Variants in RNF220 observed in about 807,000 individuals in gnomAD.
RNF220 encodes E3 ubiquitin-protein ligase RNF220.
RNF220 carries 7 observed loss-of-function variants against 67.1 expected under a neutral mutation model. The ratio of observed to expected loss-of-function variants is 0.10; its 90% CI spans 0.06 to 0.20. The LOEUF is 0.20. Ranked by LOEUF, RNF220 falls within the 10% of genes least tolerant of loss-of-function variation. RNF220 has a pLI of 1.00. For synonymous variants in RNF220, 270 were observed against 283.2 expected, an observed-to-expected ratio of 0.95 and a Z score of 0.47; for missense variants, 565 against 740.3, an observed-to-expected ratio of 0.76 and a Z score of 2.75.
At chr1:44,562,090 G>A (rs1320120890) in intron 2 of RNF220, among the ~76,000 whole-genome samples, 2 of 152,202 alleles carry the variant, frequency 1.3e-5, no homozygotes, top group African/African-American at 4.8e-5. Context: ...CTCAGCAGCA[G>A]TGCAGAAGAG....
chr1:44,630,420 C>T (rs139839911), intron 5 of RNF220, among the ~76,000 whole-genome samples: 1 of 152,360 alleles, frequency 6.6e-6, no homozygotes, highest in African/African-American at 2.4e-5. Flanking sequence ...GAACTTGAGT[C>T]TGTCTGGCCC....
intron 8 of RNF220, among the ~76,000 whole-genome samples, chr1:44,639,812 TCA>T (rs1354039730): frequency 6.6e-6 from 1 of 152,230 alleles, no homozygotes; most frequent in African/African-American, 2.4e-5. Context: ...AGACAGAGTC[TCA>T]CTTTTTCACC....
In RNF220 at chr1:44,520,085, T is replaced by TTGTGTGTGTGTG. The variant is rs1167831790; in HGVS notation, c.626-94047_626-94036dup. Among the ~76,000 whole-genome samples the TTGTGTGTGTGTG allele has an allele frequency of 8.2e-3, 870 of 106,322 alleles. 14 individuals carry two copies. The highest frequency in any genetic ancestry group is 0.013 in the African/African-American group (361 of 28,606). The allele number at this position is 106,322 out of a possible 152,430, so 69.8% of individuals were successfully genotyped here. A position where few individuals can be genotyped will look rare whatever the true frequency, so the allele number is the denominator to read the frequency against. The stretch of plus-strand genomic sequence containing the variant: ...GGTAAGAAGATGCTGAAGTCCAGCA[T>TTGTGTGTGTGTG]TGTGTGTGTGTGTGTGTGTGTGTGT... On this transcript the variant is annotated intron_variant, in intron 2 of 14. Coordinates refer to ENST00000361799, the MANE Select transcript of RNF220 (RefSeq NM_018150.4).
chr1:44,501,891 A>G (rs569643061), intron 2 of RNF220, among the ~76,000 whole-genome samples: 21 of 152,162 alleles, frequency 1.4e-4, no homozygotes, highest in Non-Finnish European at 2.1e-4. Context: ...AAAAATGTGG[A>G]GCTATTATAC....
At chr1:44,501,044 C>T (rs1234356206) in intron 2 of RNF220, among the ~76,000 whole-genome samples, 1 of 99,384 alleles carries the variant, frequency 1.0e-5, no homozygotes, top group Non-Finnish European at 2.0e-5. Context: ...CTGCAGAAGG[C>T]TGTGGGGGTG....
At chr1:44,510,098 G>T (rs1405677728) in intron 2 of RNF220, among the ~76,000 whole-genome samples, 2 of 151,620 alleles carry the variant, frequency 1.3e-5, no homozygotes, top group Non-Finnish European at 2.9e-5. Context: ...AATTAGCCAG[G>T]CATAGTGGTG....
intron 2 of RNF220, among the ~76,000 whole-genome samples, chr1:44,552,703 T>C (rs919462265): frequency 8.0e-5 from 12 of 150,384 alleles, no homozygotes; most frequent in Admixed American, 2.0e-4. Flanking sequence ...CCCGAGTAGC[T>C]GGGACTACGG....
rs534093106 is a variant in RNF220, at chr1:44,547,048, G to C, written c.626-67117G>C. Among the ~76,000 whole-genome samples the C allele has an allele frequency of 2.6e-5, 4 of 152,326 alleles. No homozygotes were observed. The East Asian group carries it at 7.7e-4, about 29-fold the overall frequency. ...GTGTTCATGTTGTCACACATTGAGA[G>C]GGATGCTTCCTCCAGGGTGCCTGGC... On this transcript the variant is annotated intron_variant, in intron 2 of 14. Coordinates refer to ENST00000361799, the MANE Select transcript of RNF220 (RefSeq NM_018150.4).
chr1:44,405,962 C>T (rs1647287580), intron 1 of RNF220, among the ~76,000 whole-genome samples: 2 of 152,206 alleles, frequency 1.3e-5, no homozygotes, highest in African/African-American at 4.8e-5. Flanking sequence ...GCCTTCTCGC[C>T]GGGCTCTCTG....
At chr1:44,648,080 TCTTGGCCTCTGTTTCTGCTGTTCC>T (rs1644698146) in intron 12 of RNF220, among the ~76,000 whole-genome samples, 1 of 152,242 alleles carries the variant, frequency 6.6e-6, no homozygotes, top group South Asian at 2.1e-4. Flanking sequence ...CTCTTGGGCC[TCTTGGCCTCTGTTTCTGCTGTTCC>T]CTTGGCCTGG....
At chr1:44,472,679 TC>T (rs1654919130) in intron 2 of RNF220, among the ~76,000 whole-genome samples, 1 of 152,246 alleles carries the variant, frequency 6.6e-6, no homozygotes. Flanking sequence ...GCCTCAGCCT[TC>T]CGGTCCAACA....
chr1:44,631,981 C>T, intron 5 of RNF220: 2 of 985,850 alleles, frequency 2.0e-6, no homozygotes, highest in Non-Finnish European at 2.4e-6. Context: ...GCCAACATGG[C>T]CGCCGCCGCC....
At chr1:44,462,568 T>C (rs1444412996) in intron 2 of RNF220, among the ~76,000 whole-genome samples, 1 of 152,174 alleles carries the variant, frequency 6.6e-6, no homozygotes, top group Non-Finnish European at 1.5e-5. Flanking sequence ...ATAACAGTAC[T>C]AGTAAGGGGT....
intron 2 of RNF220, among the ~76,000 whole-genome samples, chr1:44,424,252 A>G (rs1649521968): frequency 6.6e-6 from 1 of 152,222 alleles, no homozygotes. Context: ...TGGCTTTCCC[A>G]GAATGTGATC....
At chr1:44,582,257 A>C (rs1665340397) in intron 2 of RNF220, among the ~76,000 whole-genome samples, 1 of 152,234 alleles carries the variant, frequency 6.6e-6, no homozygotes, top group African/African-American at 2.4e-5. Context: ...AGAAACTGGC[A>C]GCCCACAAAA....
Position 44,405,468 on chromosome 1 carries a change from TC to T in RNF220, c.-178del. The T allele has an allele frequency of 5.5e-6, 3 of 540,986 alleles. No individual in the cohort carries two copies. The highest frequency in any genetic ancestry group is 9.8e-6 in the Non-Finnish European group (3 of 305,794). 33.5% of individuals were successfully genotyped at this position (540,986 alleles called of 1,614,324 possible). On this transcript the variant is annotated 5_prime_UTR_variant, in exon 1 of 15. An upstream open reading frame in the 5' UTR gains an earlier in-frame stop. Coordinates refer to ENST00000361799, the MANE Select transcript of RNF220 (RefSeq NM_018150.4). ...CCGGGACTTTTCATGCACCACACTC[TC>T]CGCCTGCTTCCCTCCGTGTCCTGAA...
intron 2 of RNF220, among the ~76,000 whole-genome samples, chr1:44,549,472 C>T (rs537147351): frequency 6.6e-6 from 1 of 152,314 alleles, no homozygotes; most frequent in Admixed American, 6.5e-5. Flanking sequence ...TTGCTCGCAA[C>T]CCATCATTCC....
At chr1:44,510,553 C>CT (rs1658903443) in intron 2 of RNF220, among the ~76,000 whole-genome samples, 1 of 152,204 alleles carries the variant, frequency 6.6e-6, no homozygotes, top group African/African-American at 2.4e-5. Context: ...ATCACCCTCC[C>CT]TGACTCTTAC....
At chr1:44,510,006 G>A (rs1186851286) in intron 2 of RNF220, among the ~76,000 whole-genome samples, 3 of 151,900 alleles carry the variant, frequency 2.0e-5, no homozygotes, top group South Asian at 2.1e-4. Flanking sequence ...GGGAGGCCAA[G>A]GCGGGAGGAT....
Sources: allele counts gnomAD v4.1 joint callset (sites outside exome capture counted in the v4.1 genomes callset), GRCh38; gene constraint gnomAD v4.1.1; transcripts MANE v1.5; gene names NCBI Gene and HGNC (gene_info 2026-07-23, HGNC 2026-07-21).